NKAIN2: variants seen among roughly 807,000 people sequenced by gnomAD.
NKAIN2 encodes the protein sodium/potassium-transporting ATPase subunit beta-1-interacting protein 2.
In NKAIN2, 14 loss-of-function variants were observed where a neutral mutation model predicts 32.6. The observed-to-expected ratio is 0.43, with a 90% CI of 0.28 to 0.67. The LOEUF (loss-of-function observed/expected upper bound fraction) is 0.67. Ranked by LOEUF, NKAIN2 falls within the 30% of genes least tolerant of loss-of-function variation. The pLI, the probability that NKAIN2 is intolerant of heterozygous loss-of-function variation, is 0.17. For missense variants in NKAIN2, 198 were observed against 258.3 expected, an observed-to-expected ratio of 0.77 and a Z score of 1.60; for synonymous variants, 80 against 87.2, an observed-to-expected ratio of 0.92 and a Z score of 0.46.
chr6:123,908,778 A>G (rs1029235817), intron 1 of NKAIN2, among the ~76,000 whole-genome samples: 24 of 152,310 alleles, frequency 1.6e-4, no homozygotes, highest in Admixed American at 3.9e-4. Flanking sequence ...TTTTGGAAAA[A>G]ATAATCTTGG....
intron 1 of NKAIN2, among the ~76,000 whole-genome samples, chr6:123,952,197 T>G (rs1451796885): frequency 6.6e-6 from 1 of 152,164 alleles, no homozygotes; most frequent in African/African-American, 2.4e-5. Context: ...AAATTTTTCT[T>G]TCAGCACTTT....
chr6:124,781,889 G>A (rs911482756), intron 4 of NKAIN2, among the ~76,000 whole-genome samples: 1 of 151,842 alleles, frequency 6.6e-6, no homozygotes, highest in African/African-American at 2.4e-5. Context: ...AATTGCTTTG[G>A]GAAAAAACTG....
chr6:124,701,412 T>A (rs377261037), intron 4 of NKAIN2, among the ~76,000 whole-genome samples: 1 of 152,116 alleles, frequency 6.6e-6, no homozygotes, highest in Non-Finnish European at 1.5e-5. Context: ...TTGAAAAATA[T>A]ACTCAGAAGA....
intron 4 of NKAIN2, among the ~76,000 whole-genome samples, chr6:124,697,449 A>G (rs1353943896): frequency 6.6e-6 from 1 of 152,180 alleles, no homozygotes; most frequent in Admixed American, 6.6e-5. Flanking sequence ...TTGTTTCTTC[A>G]TATAAAACAT....
intron 1 of NKAIN2, among the ~76,000 whole-genome samples, chr6:124,144,878 G>A (rs1353195993): frequency 6.6e-6 from 1 of 151,940 alleles, no homozygotes; most frequent in Non-Finnish European, 1.5e-5. Flanking sequence ...ACCACAAAGA[G>A]GTCTACAAAG....
chr6:124,386,323 A>T (rs1197539079), intron 3 of NKAIN2, among the ~76,000 whole-genome samples: 1 of 152,070 alleles, frequency 6.6e-6, no homozygotes, highest in Non-Finnish European at 1.5e-5. Context: ...AGCTTTCCAG[A>T]AGGCAAAAAA....
chr6:124,183,552 T>C (rs2114553660), intron 1 of NKAIN2, among the ~76,000 whole-genome samples: 1 of 152,228 alleles, frequency 6.6e-6, no homozygotes, highest in Admixed American at 6.5e-5. Flanking sequence ...TTAGTAATGA[T>C]GGATAATCAG....
intron 3 of NKAIN2, among the ~76,000 whole-genome samples, chr6:124,647,496 C>CAAAAAAAAAAAAAAA (rs1157607122): frequency 1.7e-5 from 1 of 58,940 alleles, no homozygotes; most frequent in African/African-American, 7.9e-5. Flanking sequence ...GAGACTCTGT[C>CAAAAAAAAAAAAAAA]AAAAAAAAAA....
intron 1 of NKAIN2, among the ~76,000 whole-genome samples, chr6:124,167,304 A>T (rs1788602111): frequency 6.7e-6 from 1 of 150,204 alleles, no homozygotes; most frequent in African/African-American, 2.4e-5. Flanking sequence ...TTCACTCATG[A>T]TTTGGCTCTC....
chr6:124,411,521 C>T (rs1774182385), intron 3 of NKAIN2, among the ~76,000 whole-genome samples: 1 of 152,224 alleles, frequency 6.6e-6, no homozygotes, highest in Non-Finnish European at 1.5e-5. Flanking sequence ...CCAGTCTCTT[C>T]TGGCTTGTAG....
At chr6:124,781,050 A>G (rs559191460) in intron 4 of NKAIN2, among the ~76,000 whole-genome samples, 1 of 152,330 alleles carries the variant, frequency 6.6e-6, no homozygotes, top group African/African-American at 2.4e-5. Context: ...ATCTGTATCC[A>G]GATTTCCGAC....
intron 3 of NKAIN2, among the ~76,000 whole-genome samples, chr6:124,516,710 C>A (rs370570291): frequency 5.9e-5 from 9 of 152,186 alleles, no homozygotes; most frequent in African/African-American, 2.2e-4. Context: ...CTTAATGAGA[C>A]CTGTACCATA....
intron 1 of NKAIN2, among the ~76,000 whole-genome samples, chr6:123,814,199 C>T (rs1331768696): frequency 6.6e-6 from 1 of 152,074 alleles, no homozygotes; most frequent in Admixed American, 6.6e-5. Flanking sequence ...CAATTAAGTA[C>T]TATTCTACTT....
At chr6:124,309,756 C>T (rs1796643874) in intron 2 of NKAIN2, among the ~76,000 whole-genome samples, 1 of 152,032 alleles carries the variant, frequency 6.6e-6, no homozygotes, top group South Asian at 2.1e-4. Flanking sequence ...TCTGTCAGTG[C>T]CTGGGATTTT....
intron 1 of NKAIN2, among the ~76,000 whole-genome samples, chr6:123,877,903 A>G (rs1457331075): frequency 6.6e-6 from 1 of 152,048 alleles, no homozygotes; most frequent in African/African-American, 2.4e-5. Flanking sequence ...TGATTTGTTC[A>G]ATTTCGTTAG....
At chr6:123,921,847 C>A (rs984167748) in intron 1 of NKAIN2, among the ~76,000 whole-genome samples, 1 of 151,832 alleles carries the variant, frequency 6.6e-6, no homozygotes, top group Non-Finnish European at 1.5e-5. Context: ...AGGAGAATGG[C>A]ATGAACCAAG....
In NKAIN2 at chr6:124,167,313, T is replaced by C. The variant is rs879614339; in HGVS notation, c.55-115692T>C. Among the ~76,000 whole-genome samples the C allele has an allele frequency of 6.7e-3, 1,010 of 150,818 alleles. 6 individuals are homozygous for C. The highest frequency in any genetic ancestry group is 8.4e-3 in the Non-Finnish European group (567 of 67,232). The stretch of plus-strand genomic sequence containing the variant: ...TGGGAGTTCACTCATGATTTGGCTC[T>C]CTGTTTGTCTGTTATTGGTGTATAA... On this transcript the variant is annotated intron_variant, in intron 1 of 6. Coordinates refer to ENST00000368417, the MANE Select transcript of NKAIN2 (RefSeq NM_001040214.3).
intron 3 of NKAIN2, among the ~76,000 whole-genome samples, chr6:124,501,620 A>G (rs957898413): frequency 6.6e-6 from 1 of 152,164 alleles, no homozygotes; most frequent in South Asian, 2.1e-4. Flanking sequence ...TTTAAGATGC[A>G]AATCAGATGA....
At chr6:124,410,288 G>T (rs1027092992) in intron 3 of NKAIN2, among the ~76,000 whole-genome samples, 13 of 151,772 alleles carry the variant, frequency 8.6e-5, no homozygotes, top group Admixed American at 7.9e-4. Flanking sequence ...GTGATGTTAG[G>T]GTGTCAATTT....
Sources: gnomAD v4.1 joint callset for allele counts (sites outside exome capture counted in the v4.1 genomes callset) on GRCh38, gnomAD v4.1.1 for gene constraint, MANE v1.5 for transcripts, NCBI Gene and HGNC (gene_info 2026-07-23, HGNC 2026-07-21) for gene names.